DOCK3: variants seen among roughly 807,000 people sequenced by gnomAD.
DOCK3 encodes the protein dedicator of cytokinesis 3.
A neutral mutation model predicts 265.6 loss-of-function variants in DOCK3; 60 were observed. The ratio of observed to expected loss-of-function variants is 0.23; its 90% CI spans 0.18 to 0.28. The LOEUF is 0.28. Ranked by LOEUF, DOCK3 falls within the 10% of genes least tolerant of loss-of-function variation. The probability of loss-of-function intolerance (pLI) is 1.00; values close to 1 mark genes in which losing one functional copy is unlikely to be tolerated. For missense variants in DOCK3, 1,981 were observed against 2,594.3 expected (o/e 0.76, Z 5.14); for synonymous variants, 881 against 938.0 (o/e 0.94, Z 1.11).
intron 1 of DOCK3, among the ~76,000 whole-genome samples, chr3:50,731,685 G>T (rs2038222937): frequency 6.6e-6 from 1 of 152,100 alleles, no homozygotes; most frequent in South Asian, 2.1e-4. Context: ...TATGAAAAGA[G>T]TCCCATCATC....
chr3:51,128,646 G>A (rs949489539), intron 9 of DOCK3, among the ~76,000 whole-genome samples: 1 of 152,170 alleles, frequency 6.6e-6, no homozygotes, highest in Non-Finnish European at 1.5e-5. Context: ...ATGAACCTCT[G>A]CGCTTTCTGT....
At chr3:50,915,263 A>G (rs936085315) in intron 4 of DOCK3, among the ~76,000 whole-genome samples, 1 of 152,014 alleles carries the variant, frequency 6.6e-6, no homozygotes, top group African/African-American at 2.4e-5. Context: ...ATCTTGTAGT[A>G]GTGACTCTAG....
chr3:51,073,799 A>G (rs181229613), intron 6 of DOCK3, among the ~76,000 whole-genome samples: 1 of 152,304 alleles, frequency 6.6e-6, no homozygotes, highest in Admixed American at 6.5e-5. Flanking sequence ...GCTAGAAAGT[A>G]TACATATAAA....
intron 1 of DOCK3, among the ~76,000 whole-genome samples, chr3:50,767,941 CT>C (rs1239267724): frequency 6.6e-6 from 1 of 151,972 alleles, no homozygotes; most frequent in Non-Finnish European, 1.5e-5. Flanking sequence ...TATAGGAATG[CT>C]TGTGATTTTT....
At chr3:51,013,273 C>T (rs2108782321) in intron 5 of DOCK3, among the ~76,000 whole-genome samples, 1 of 152,304 alleles carries the variant, frequency 6.6e-6, no homozygotes, top group East Asian at 1.9e-4. Flanking sequence ...GGTTTCTCCC[C>T]ATCTTTGTGG....
intron 4 of DOCK3, among the ~76,000 whole-genome samples, chr3:50,921,741 A>C (rs1423292808): frequency 2.0e-5 from 3 of 151,914 alleles, no homozygotes; most frequent in Non-Finnish European, 4.4e-5. Flanking sequence ...TTTGGTGTGG[A>C]TGTCCTTTCT....
chr3:50,895,838 C>T (rs1272870182), intron 4 of DOCK3, among the ~76,000 whole-genome samples: 1 of 152,168 alleles, frequency 6.6e-6, no homozygotes, highest in Non-Finnish European at 1.5e-5. Flanking sequence ...CTGCAAAGGA[C>T]ATGAACTCAT....
intron 27 of DOCK3, 86 bp downstream of exon 27, chr3:51,280,290 G>A (rs921749597): frequency 8.0e-7 from 1 of 1,257,770 alleles, no homozygotes; most frequent in South Asian, 1.4e-5. Context: ...GGGGATGAAT[G>A]CAAGTGACTA....
intron 2 of DOCK3, among the ~76,000 whole-genome samples, chr3:50,828,459 C>T (rs755757100): frequency 3.3e-5 from 5 of 152,176 alleles, no homozygotes; most frequent in Admixed American, 6.5e-5. Flanking sequence ...GGCTGGAGTA[C>T]AGTGGCATGA....
intron 3 of DOCK3, among the ~76,000 whole-genome samples, chr3:50,888,670 T>C (rs1043772806): frequency 7.2e-5 from 11 of 152,128 alleles, no homozygotes; most frequent in East Asian, 5.8e-4. Flanking sequence ...GAGATATAGA[T>C]CAATGGAACA....
intron 12 of DOCK3, among the ~76,000 whole-genome samples, chr3:51,174,952 G>A (rs2086864250): frequency 1.3e-5 from 2 of 152,192 alleles, no homozygotes; most frequent in African/African-American, 2.4e-5. Flanking sequence ...CAGGACCTTG[G>A]TCAATAGAGC....
intron 5 of DOCK3, among the ~76,000 whole-genome samples, chr3:50,988,056 C>T (rs1049009122): frequency 3.3e-5 from 5 of 152,208 alleles, no homozygotes; most frequent in South Asian, 2.1e-4. Flanking sequence ...TCTACTTCCA[C>T]AGCACCTCAC....
chr3:51,335,562 C>T (rs1210009239), intron 35 of DOCK3, among the ~76,000 whole-genome samples: 1 of 152,244 alleles, frequency 6.6e-6, no homozygotes, highest in Non-Finnish European at 1.5e-5. Flanking sequence ...CCTTATCTCC[C>T]TGTTCCCCTG....
intron 22 of DOCK3, among the ~76,000 whole-genome samples, chr3:51,252,161 C>A (rs1345182324): frequency 2.0e-5 from 3 of 152,136 alleles, no homozygotes; most frequent in Non-Finnish European, 4.4e-5. Flanking sequence ...TGTCAAAGAT[C>A]AGATGGTTGT....
At chr3:50,739,371 G>GT (rs2038864599) in intron 1 of DOCK3, among the ~76,000 whole-genome samples, 1 of 151,720 alleles carries the variant, frequency 6.6e-6, no homozygotes, top group East Asian at 1.9e-4. Flanking sequence ...CTTTTCATCT[G>GT]TTTTTTCTCA....
At chr3:50,966,866 G>T (rs974106416) in intron 5 of DOCK3, among the ~76,000 whole-genome samples, 3 of 152,040 alleles carry the variant, frequency 2.0e-5, no homozygotes, top group Non-Finnish European at 2.9e-5. Context: ...GTCTTGTGAT[G>T]ATTAGAATCA....
At chr3:51,308,641 A>G (rs112238924) in intron 27 of DOCK3, among the ~76,000 whole-genome samples, 2 of 152,226 alleles carry the variant, frequency 1.3e-5, no homozygotes, top group Non-Finnish European at 2.9e-5. Flanking sequence ...CACAGCAACC[A>G]TCCCATTTCT....
chr3:50,868,805 G>T (rs1011278193), intron 3 of DOCK3, among the ~76,000 whole-genome samples: 2 of 151,332 alleles, frequency 1.3e-5, no homozygotes, highest in Non-Finnish European at 2.9e-5. Flanking sequence ...ATTGGCATTG[G>T]CATATACTTG....
chr3:51,350,576 A>G (rs2110199940), intron 40 of DOCK3, among the ~76,000 whole-genome samples, 184 bp downstream of exon 40: 1 of 152,286 alleles, frequency 6.6e-6, no homozygotes, highest in East Asian at 1.9e-4. Flanking sequence ...ACTCTGTTTT[A>G]GTCTGCTCTG....
Sources: allele counts gnomAD v4.1 joint callset (sites outside exome capture counted in the v4.1 genomes callset), GRCh38; gene constraint gnomAD v4.1.1; transcripts MANE v1.5; gene names NCBI Gene and HGNC (gene_info 2026-07-23, HGNC 2026-07-21).